Variants in KCNK9 observed in about 807,000 individuals in gnomAD.
KCNK9 encodes the protein potassium two pore domain channel subfamily K member 9.
In KCNK9, 1 loss-of-function variant was observed where a neutral mutation model predicts 10.8. The ratio of observed to expected loss-of-function variants is 0.09; its 90% CI spans 0.03 to 0.44. KCNK9 has a LOEUF of 0.44. KCNK9 is among the 20% of genes least tolerant of loss of function. KCNK9 has a pLI of 0.97. For missense variants in KCNK9, 303 were observed against 515.0 expected, an observed-to-expected ratio of 0.59 and a Z score of 3.98; for synonymous variants, 231 against 222.7, an observed-to-expected ratio of 1.04 and a Z score of -0.33.
At chr8:139,656,279 G>C (rs1383080129) in intron 1 of KCNK9, among the ~76,000 whole-genome samples, 1 of 152,152 alleles carries the variant, frequency 6.6e-6, no homozygotes, top group Non-Finnish European at 1.5e-5. Flanking sequence ...GGAGCAGCCC[G>C]AGCAGAGAGC....
intron 1 of KCNK9, among the ~76,000 whole-genome samples, chr8:139,675,564 C>A (rs984856344): frequency 2.6e-5 from 4 of 152,192 alleles, no homozygotes; most frequent in African/African-American, 9.6e-5. Flanking sequence ...CCCACCAGAA[C>A]CCAGCCAAGC....
At chr8:139,660,264 G>T (rs984377365) in intron 1 of KCNK9, among the ~76,000 whole-genome samples, 1 of 152,112 alleles carries the variant, frequency 6.6e-6, no homozygotes, top group East Asian at 1.9e-4. Flanking sequence ...ATAACAGCCC[G>T]CGATGAAGAC....
intron 1 of KCNK9, among the ~76,000 whole-genome samples, chr8:139,668,765 T>G (rs79715186): frequency 6.6e-6 from 1 of 152,318 alleles, no homozygotes; most frequent in Admixed American, 6.5e-5. Flanking sequence ...AACACATTTG[T>G]GTGACTCCCT....
At position 139,618,198 on chromosome 8, in the gene KCNK9, C is replaced by G; in HGVS notation, c.*60G>C. The G allele has an allele frequency of 1.2e-6, 2 of 1,601,396 alleles. No homozygotes were observed. The highest frequency in any genetic ancestry group is 1.7e-6 in the Non-Finnish European group (2 of 1,168,800). On this transcript the variant is annotated 3_prime_UTR_variant, in exon 2 of 2. Coordinates refer to ENST00000520439, the MANE Select transcript of KCNK9 (RefSeq NM_001282534.2). The surrounding 1 kb of genome is among the most constrained non-coding windows in gnomAD (Gnocchi z 7.9). ...ATAAATAAGAAAAGACGAGTTGGAC[C>G]AATGGAAATTAACACCAACTATGAC...
At chr8:139,632,145 C>T (rs930146840) in intron 1 of KCNK9, among the ~76,000 whole-genome samples, 6 of 152,250 alleles carry the variant, frequency 3.9e-5, no homozygotes, top group South Asian at 4.2e-4. Flanking sequence ...TGGGATTTGC[C>T]GCAACGCCCA....
At chr8:139,653,854 C>A (rs930333761) in intron 1 of KCNK9, among the ~76,000 whole-genome samples, 1 of 152,264 alleles carries the variant, frequency 6.6e-6, no homozygotes, top group Non-Finnish European at 1.5e-5. Flanking sequence ...GGGCAACACC[C>A]TCCCAGGAAT....
At chr8:139,692,429 G>T (rs140575818) in intron 1 of KCNK9, among the ~76,000 whole-genome samples, 165 of 152,292 alleles carry the variant, frequency 1.1e-3, no homozygotes, top group Middle Eastern at 3.4e-3. Flanking sequence ...TCCCTTTCAC[G>T]AAACACTCTG....
At chr8:139,680,612 C>T (rs1403857081) in intron 1 of KCNK9, among the ~76,000 whole-genome samples, 3 of 152,162 alleles carry the variant, frequency 2.0e-5, no homozygotes, top group Non-Finnish European at 4.4e-5. Flanking sequence ...CCCACATGGC[C>T]GAGTGAGTGC....
chr8:139,655,198 C>T (rs1454966970), intron 1 of KCNK9, among the ~76,000 whole-genome samples: 1 of 152,106 alleles, frequency 6.6e-6, no homozygotes, highest in South Asian at 2.1e-4. Flanking sequence ...CCTGTGGCCT[C>T]GGGTTGTCAA....
chr8:139,670,912 T>C (rs1000762657), intron 1 of KCNK9, among the ~76,000 whole-genome samples: 2 of 152,094 alleles, frequency 1.3e-5, no homozygotes, highest in Non-Finnish European at 2.9e-5. Flanking sequence ...CCGGAGACAT[T>C]CTCATCACAG....
At chr8:139,668,842 C>T (rs956278866) in intron 1 of KCNK9, among the ~76,000 whole-genome samples, 1 of 152,170 alleles carries the variant, frequency 6.6e-6, no homozygotes, top group African/African-American at 2.4e-5. Flanking sequence ...GGAAGGGCTG[C>T]ACATGTCATT....
chr8:139,608,361 A>C (rs1264446935), downstream of KCNK9, among the ~76,000 whole-genome samples: 1 of 152,206 alleles, frequency 6.6e-6, no homozygotes, highest in Non-Finnish European at 1.5e-5. Context: ...GCATCTGCAG[A>C]ACAGGGGTTT....
In KCNK9 at chr8:139,687,620, A is replaced by ATTCATATGTATACATATGTATACATATG. The variant is rs1563752112; in HGVS notation, c.283+15089_283+15090insCATATGTATACATATGTATACATATGAA. 3.2e-3 allele frequency among the ~76,000 whole-genome samples: 244 copies of ATTCATATGTATACATATGTATACATATG among 75,420 alleles called. 6 individuals are homozygous for ATTCATATGTATACATATGTATACATATG. The highest frequency in any genetic ancestry group is 0.01 in the African/African-American group (228 of 22,404). 49.5% of individuals were successfully genotyped at this position (75,420 alleles called of 152,430 possible). ...CATATGTATACATATGTATACATAT[A>ATTCATATGTATACATATGTATACATATG]TATTCATATGTATACATATGTATAC... On this transcript the variant is annotated intron_variant, in intron 1 of 1. Transcript: ENST00000520439.
rs773508027 is a variant in KCNK9, at chr8:139,618,511, G to C, written c.872C>G (p.Pro291Arg). 4.3e-6 allele frequency: 7 copies of C among 1,613,562 alleles called. No individual in the cohort carries two copies. The highest frequency in any genetic ancestry group is 5.9e-6 in the Non-Finnish European group (7 of 1,180,012). Residue 291 changes from proline (P) to arginine (R), a missense_variant, in exon 2 of 2, where the codon CCG becomes CGG. Transcript: ENST00000520439. This position sits in a 1 kb window ranked among gnomAD's most constrained non-coding sequence, Gnocchi z 7.9. ...GCAGGAGCACACAGACTGCAGGTCC[G>C]GGACGTCCGCCTTGTACCTGGGCCG... Reference protein sequence around the residue: ...PSRPRYKADVPDLQSVCSCTC... With the variant: ...PSRPRYKADVRDLQSVCSCTC...
At chr8:139,608,104 G>A (rs1814288773), downstream of KCNK9, among the ~76,000 whole-genome samples, 1 of 152,178 alleles carries the variant, frequency 6.6e-6, no homozygotes, top group Non-Finnish European at 1.5e-5. Context: ...ATCAAGCACT[G>A]CTCTCTGGAT....
rs532960780 is a variant in KCNK9, at chr8:139,685,528, C to T, written c.283+17182G>A. Among the ~76,000 whole-genome samples the T allele has an allele frequency of 5.9e-4, 90 of 152,232 alleles. 1 individual carries two copies. In the East Asian group the frequency reaches 0.014, roughly 24 times the overall value. ...ACTCCCACCTATGAGTGAGAACATG[C>T]GATGTTTGGTTTTCTGTCCTTGTGA... On this transcript the variant is annotated intron_variant, in intron 1 of 1. Transcript: ENST00000520439.
chr8:139,690,672 G>A (rs1816917607), intron 1 of KCNK9, among the ~76,000 whole-genome samples: 1 of 152,116 alleles, frequency 6.6e-6, no homozygotes. Flanking sequence ...TCCAGGCAGA[G>A]GGACAGTGTC....
At chr8:139,622,462 G>A (rs1433441507) in intron 1 of KCNK9, among the ~76,000 whole-genome samples, 2 of 152,166 alleles carry the variant, frequency 1.3e-5, no homozygotes, top group Admixed American at 1.3e-4. Flanking sequence ...GACAGCCCCA[G>A]TAGATCAGAG....
intron 1 of KCNK9, among the ~76,000 whole-genome samples, chr8:139,626,528 G>A (rs909010549): frequency 6.6e-6 from 1 of 152,140 alleles, no homozygotes. Flanking sequence ...CGTGCCCTCG[G>A]AGGGACTGTG....
Sources: allele counts gnomAD v4.1 joint callset (sites outside exome capture counted in the v4.1 genomes callset), GRCh38; gene constraint gnomAD v4.1.1; non-coding constraint Gnocchi (gnomAD v3.1); transcripts MANE v1.5; gene names NCBI Gene and HGNC (gene_info 2026-07-23, HGNC 2026-07-21).